SGCZ: variants seen among roughly 807,000 people sequenced by gnomAD.
The protein encoded by SGCZ is zeta-sarcoglycan.
Under a neutral mutation model 41.3 loss-of-function variants are expected in SGCZ, and 40 were observed. The observed-to-expected ratio is 0.97, with a 90% CI of 0.75 to 1.26. The LOEUF (loss-of-function observed/expected upper bound fraction) is 1.26. SGCZ is among the 50% of genes most tolerant of loss of function. The pLI, the probability that SGCZ is intolerant of heterozygous loss-of-function variation, is 0.00. For missense variants in SGCZ, 552 were observed against 369.8 expected (o/e 1.49, Z -4.04); for synonymous variants, 206 against 137.5 (o/e 1.50, Z -3.49).
intron 2 of SGCZ, among the ~76,000 whole-genome samples, chr8:14,553,007 TATA>T (rs936145037): frequency 6.6e-6 from 1 of 152,028 alleles, no homozygotes; most frequent in African/African-American, 2.4e-5. Context: ...TTACCTCTTT[TATA>T]ATATTAATTT....
intron 2 of SGCZ, among the ~76,000 whole-genome samples, chr8:14,531,948 T>A (rs1803145677): frequency 6.6e-6 from 1 of 152,134 alleles, no homozygotes; most frequent in Admixed American, 6.6e-5. Context: ...GATATCACAA[T>A]TAAAATTCTA....
intron 3 of SGCZ, among the ~76,000 whole-genome samples, chr8:14,260,333 A>C (rs559505947): frequency 2.0e-5 from 3 of 150,910 alleles, no homozygotes; most frequent in Non-Finnish European, 1.5e-5. Context: ...GCAGCCAAAA[A>C]ACACATGAAA....
chr8:14,963,047 A>G (rs1801011975), intron 1 of SGCZ, among the ~76,000 whole-genome samples: 1 of 152,168 alleles, frequency 6.6e-6, no homozygotes, highest in African/African-American at 2.4e-5. Context: ...GTTTGATTTT[A>G]TTTGATTTCT....
At chr8:15,011,817 T>C (rs1221050851) in intron 1 of SGCZ, among the ~76,000 whole-genome samples, 3 of 152,184 alleles carry the variant, frequency 2.0e-5, no homozygotes, top group East Asian at 3.9e-4. Context: ...GTACATAAAA[T>C]TTGACAAAAT....
At chr8:14,142,677 T>C (rs552347885) in intron 5 of SGCZ, among the ~76,000 whole-genome samples, 1 of 152,194 alleles carries the variant, frequency 6.6e-6, no homozygotes, top group South Asian at 2.1e-4. Flanking sequence ...CCAAATCTCA[T>C]GTTGAAATGT....
chr8:14,442,562 T>G (rs1800302798), intron 2 of SGCZ, among the ~76,000 whole-genome samples: 1 of 152,184 alleles, frequency 6.6e-6, no homozygotes, highest in Non-Finnish European at 1.5e-5. Flanking sequence ...AAAATTAAAT[T>G]CACCTGGTGG....
chr8:14,861,222 T>C (rs1324098828), intron 1 of SGCZ, among the ~76,000 whole-genome samples: 1 of 152,192 alleles, frequency 6.6e-6, no homozygotes, highest in African/African-American at 2.4e-5. Flanking sequence ...TCACATCCAT[T>C]CTTACACATG....
chr8:14,222,021 T>A (rs1806212876), intron 4 of SGCZ, among the ~76,000 whole-genome samples: 1 of 152,014 alleles, frequency 6.6e-6, no homozygotes, highest in African/African-American at 2.4e-5. Flanking sequence ...AATAAATGTA[T>A]GCCAACAACA....
intron 1 of SGCZ, among the ~76,000 whole-genome samples, chr8:14,617,374 T>A (rs1403702552): frequency 6.6e-6 from 1 of 152,164 alleles, no homozygotes; most frequent in Non-Finnish European, 1.5e-5. Flanking sequence ...CATTTTATAA[T>A]GTTTAGAGGA....
chr8:14,531,805 G>A (rs1396487326), intron 2 of SGCZ, among the ~76,000 whole-genome samples: 1 of 151,962 alleles, frequency 6.6e-6, no homozygotes, highest in Non-Finnish European at 1.5e-5. Context: ...GGAATGTCTA[G>A]TAGATTGTAA....
At chr8:14,290,909 A>G (rs1445187940) in intron 3 of SGCZ, among the ~76,000 whole-genome samples, 1 of 152,172 alleles carries the variant, frequency 6.6e-6, no homozygotes. Flanking sequence ...TAGTAACAGT[A>G]TTCACCATAG....
chr8:14,141,786 A>T (rs1803378133), intron 5 of SGCZ, among the ~76,000 whole-genome samples: 1 of 152,108 alleles, frequency 6.6e-6, no homozygotes, highest in Admixed American at 6.6e-5. Flanking sequence ...GAACTAGAAA[A>T]ACCATTTGAC....
At chr8:15,221,122 C>G (rs966939839) in intron 1 of SGCZ, among the ~76,000 whole-genome samples, 1 of 152,076 alleles carries the variant, frequency 6.6e-6, no homozygotes, top group African/African-American at 2.4e-5. Flanking sequence ...TGTAACAAAA[C>G]TGCATGTTGT....
chr8:14,389,384 G>T (rs1214150448), intron 2 of SGCZ, among the ~76,000 whole-genome samples: 3 of 150,330 alleles, frequency 2.0e-5, no homozygotes, highest in African/African-American at 7.3e-5. Flanking sequence ...CATGTTCAAA[G>T]TAGAAAATAA....
chr8:14,281,585 G>C (rs1800441911), intron 3 of SGCZ, among the ~76,000 whole-genome samples: 1 of 151,938 alleles, frequency 6.6e-6, no homozygotes. Context: ...AGACCATCTA[G>C]TGATAAAATC....
chr8:15,025,606 A>G (rs1803426767), intron 1 of SGCZ, among the ~76,000 whole-genome samples: 1 of 152,216 alleles, frequency 6.6e-6, no homozygotes, highest in South Asian at 2.1e-4. Context: ...ATTTGATGAC[A>G]ACCAACACCT....
intron 1 of SGCZ, among the ~76,000 whole-genome samples, chr8:15,053,235 G>A (rs1385271808): frequency 6.6e-6 from 1 of 152,008 alleles, no homozygotes; most frequent in African/African-American, 2.4e-5. Flanking sequence ...CTTCTGGATG[G>A]CAACTTTGTC....
chr8:14,808,588 T>C (rs1450766583), intron 1 of SGCZ, among the ~76,000 whole-genome samples: 1 of 152,160 alleles, frequency 6.6e-6, no homozygotes, highest in Non-Finnish European at 1.5e-5. Context: ...CAACAGGTGC[T>C]GGAGAGGATG....
chr8:14,336,539 A>T (rs1802513565), intron 2 of SGCZ, among the ~76,000 whole-genome samples: 1 of 152,184 alleles, frequency 6.6e-6, no homozygotes, highest in Non-Finnish European at 1.5e-5. Flanking sequence ...TGACTGAAAT[A>T]ATTTACACTC....
Sources: allele counts gnomAD v4.1 joint callset (sites outside exome capture counted in the v4.1 genomes callset), GRCh38; gene constraint gnomAD v4.1.1; transcripts MANE v1.5; gene names NCBI Gene and HGNC (gene_info 2026-07-23, HGNC 2026-07-21).